The following FAHD1 variants were observed in gnomAD, a reference collection of about 807,000 sequenced individuals.
FAHD1 encodes the protein oxaloacetate tautomerase FAHD1, mitochondrial.
FAHD1 carries 14 observed loss-of-function variants against 12.7 expected under a neutral mutation model. The observed-to-expected ratio is 1.10, with a 90% confidence interval of 0.73 to 1.72. The LOEUF (loss-of-function observed/expected upper bound fraction) is 1.72, where lower values mean the gene tolerates loss of function less well. Among genes scored for constraint, FAHD1 ranks in the 40% most tolerant of loss-of-function variants. FAHD1 has a pLI of 0.00. For synonymous variants in FAHD1, 153 were observed against 124.9 expected (o/e 1.22, Z -1.50); for missense variants, 351 against 298.9 (o/e 1.17, Z -1.29).
downstream of FAHD1, among the ~76,000 whole-genome samples, chr16:1,831,938 A>G (rs1253963708): frequency 6.6e-6 from 1 of 152,038 alleles, no homozygotes; most frequent in Non-Finnish European, 1.5e-5. Flanking sequence ...ACTGTCTTCC[A>G]CCAAACCATT....
exon 1 of FAHD1, chr16:1,828,274 CAAAAAAAAAA>C (rs71145497): frequency 6.2e-6 from 5 of 801,786 alleles, no homozygotes; most frequent in Non-Finnish European, 7.3e-6. Flanking sequence ...GACTCCGTCT[CAAAAAAAAAA>C]AAAAAAAAAG....
chr16:1,828,217 C>G, exon 1 of FAHD1: 1 of 918,250 alleles, frequency 1.1e-6, no homozygotes, highest in South Asian at 3.3e-5. Flanking sequence ...GGAGGCGGAG[C>G]TTACAGTGAG....
exon 1 of FAHD1, chr16:1,827,449 CTGGGCGTGGTGA>C: frequency 6.2e-7 from 1 of 1,610,788 alleles, no homozygotes; most frequent in South Asian, 1.1e-5. Flanking sequence ...CGAGCTGGAG[CTGGGCGTGGTGA>C]TGGGCAAGCG....
At chr16:1,835,928 C>T (rs1198495564) in intron 1 of FAHD1, among the ~76,000 whole-genome samples, 2 of 148,656 alleles carry the variant, frequency 1.3e-5, no homozygotes, top group Non-Finnish European at 1.5e-5. Flanking sequence ...GGTGAGATCT[C>T]GGCTCACTGC....
intron 1 of FAHD1, among the ~76,000 whole-genome samples, chr16:1,836,645 A>G (rs1898756653): frequency 6.6e-6 from 1 of 151,902 alleles, no homozygotes; most frequent in Non-Finnish European, 1.5e-5. Context: ...CAAACTATTC[A>G]GATGTGTTGG....
chr16:1,838,030 T>G, exon 2 of FAHD1: 1 of 1,356,724 alleles, frequency 7.4e-7, no homozygotes, highest in Non-Finnish European at 9.9e-7. Flanking sequence ...AGGGTCTCAC[T>G]CTGTCGCCCA....
chr16:1,839,460 G>T, exon 3 of FAHD1: 2 of 1,581,164 alleles, frequency 1.3e-6, no homozygotes, highest in South Asian at 2.3e-5. Context: ...CAAAGACAAT[G>T]ATAAAATGTG....
exon 1 of FAHD1, chr16:1,827,401 C>G: frequency 2.5e-6 from 4 of 1,611,400 alleles, no homozygotes; most frequent in Non-Finnish European, 2.5e-6. Context: ...CGAGGGCTCG[C>G]CCATCCTCAT....
downstream of FAHD1, among the ~76,000 whole-genome samples, chr16:1,829,504 A>T (rs1199132689): frequency 6.6e-6 from 1 of 152,190 alleles, no homozygotes; most frequent in African/African-American, 2.4e-5. Context: ...TGAAGTTTTG[A>T]CCACAATGCA....
At chr16:1,835,878 GA>G (rs1898733264) in intron 1 of FAHD1, among the ~76,000 whole-genome samples, 1 of 89,456 alleles carries the variant, frequency 1.1e-5, no homozygotes, top group African/African-American at 4.3e-5. Flanking sequence ...TTTTTTTTTT[GA>G]GACACAGTCT....
chr16:1,831,491 A>G (rs886840163), downstream of FAHD1, among the ~76,000 whole-genome samples: 1 of 152,116 alleles, frequency 6.6e-6, no homozygotes, highest in Non-Finnish European at 1.5e-5. Flanking sequence ...CCCTTTCCAT[A>G]GCTTCCTCAG....
At chr16:1,829,520 CATCTTGTAAGTAGATACATAAGAAGA>C (rs1898586200), downstream of FAHD1, among the ~76,000 whole-genome samples, 1 of 152,152 alleles carries the variant, frequency 6.6e-6, no homozygotes, top group Admixed American at 6.6e-5. Context: ...ATGCAGGCTG[CATCTTGTAAGTAGATACATAAGAAGA>C]ATCAGACACT....
exon 1 of FAHD1, chr16:1,827,805 G>A: frequency 1.2e-6 from 2 of 1,614,088 alleles, no homozygotes; most frequent in Non-Finnish European, 8.5e-7. Context: ...TGACTGGGAC[G>A]CCAAAGGGAG....
exon 1 of FAHD1, chr16:1,827,545 C>T (rs370268598): frequency 8.7e-6 from 14 of 1,613,282 alleles, no homozygotes; most frequent in Non-Finnish European, 1.0e-5. Flanking sequence ...TATGACCGCC[C>T]GGGACGTGCA....
exon 1 of FAHD1, chr16:1,827,533 G>C (rs200823071): frequency 1.9e-6 from 3 of 1,613,246 alleles, no homozygotes; most frequent in Non-Finnish European, 2.5e-6. Flanking sequence ...CCTGTGCCTG[G>C]ATATGACCGC....
downstream of FAHD1, among the ~76,000 whole-genome samples, chr16:1,832,811 C>T (rs985017756): frequency 2.0e-5 from 3 of 152,116 alleles, no homozygotes; most frequent in Non-Finnish European, 4.4e-5. Flanking sequence ...CCTGGCTTCA[C>T]AAACCCCCCA....
At chr16:1,839,318 G>A (rs377458120) in exon 3 of FAHD1, 3 of 1,614,074 alleles carry the variant, frequency 1.9e-6, no homozygotes, top group African/African-American at 2.7e-5. Flanking sequence ...GGGTGCCTGT[G>A]TGATCAGTCA....
At chr16:1,832,239 C>T (rs1474133309), downstream of FAHD1, among the ~76,000 whole-genome samples, 5 of 125,402 alleles carry the variant, frequency 4.0e-5, no homozygotes, top group Admixed American at 1.0e-4. Context: ...GGCATGATCT[C>T]GGCTCACTGC....
At chr16:1,835,526 G>A (rs1898720540) in intron 1 of FAHD1, among the ~76,000 whole-genome samples, 1 of 152,128 alleles carries the variant, frequency 6.6e-6, no homozygotes, top group Non-Finnish European at 1.5e-5. Context: ...ACCAACATCA[G>A]GGAAAACTGG....
Sources: gnomAD v4.1 joint callset for allele counts (sites outside exome capture counted in the v4.1 genomes callset) on GRCh38, gnomAD v4.1.1 for gene constraint, MANE v1.5 for transcripts, NCBI Gene and HGNC (gene_info 2026-07-23, HGNC 2026-07-21) for gene names.